CCNJL: variants seen among roughly 807,000 people sequenced by gnomAD.
The protein encoded by CCNJL is cyclin J like.
In CCNJL, 33 loss-of-function variants were observed where a neutral mutation model predicts 33.4. That is an observed-to-expected ratio of 0.99 (90% confidence interval 0.75 to 1.32). The LOEUF (loss-of-function observed/expected upper bound fraction) is 1.32. CCNJL is among the 40% of genes most tolerant of loss of function. The pLI, the probability that CCNJL is intolerant of heterozygous loss-of-function variation, is 0.00. For missense variants in CCNJL, 512 were observed against 499.7 expected (o/e 1.02, Z -0.23); for synonymous variants, 227 against 220.9 (o/e 1.03, Z -0.24).
intron 4 of CCNJL, among the ~76,000 whole-genome samples, chr5:160,258,003 C>A (rs932911393): frequency 5.3e-5 from 8 of 151,998 alleles, no homozygotes; most frequent in Non-Finnish European, 1.0e-4. Context: ...CCCACCACCA[C>A]ACCTGGCTAA....
At position 160,280,478 on chromosome 5, in the gene CCNJL, G is replaced by A. The variant is rs775221000; in HGVS notation, c.280+47C>T. 169 of 1,463,548 alleles carry A rather than the reference G, an allele frequency of 1.2e-4. No homozygotes were observed. The East Asian group carries it at 2.0e-3, about 17-fold the overall frequency. The allele number at this position is 1,463,548 out of a possible 1,614,324, so 90.7% of individuals were successfully genotyped here. A position where few individuals can be genotyped will look rare whatever the true frequency, so the allele number is the denominator to read the frequency against. ...TTGGAAGCAGCCAGGCGCACTGAGC[G>A]GGAGGAGACCGCACAAGCGCGGAGG... is the stretch of plus-strand genomic sequence containing the variant. On this transcript the variant is annotated intron_variant, in intron 3 of 5. Transcript: ENST00000257536.
chr5:160,253,653 G>A lies in CCNJL; in HGVS notation c.889C>T (p.Gln297Ter). 4 of 1,610,590 alleles carry A rather than the reference G, an allele frequency of 2.5e-6. No individual in the cohort carries two copies. Among genetic ancestry groups the A allele is most frequent in the Non-Finnish European group, 3.4e-6 (4 of 1,177,642 alleles). The stretch of plus-strand genomic sequence containing the variant: ...AGGTCCTGCACGGGGGTCTGGAACT[G>A]TGCCAGGGTGGTCGCTGGCTGGCCG... ...ALGQPATTLA[Q>*]FQTPVQDLCL... The change falls in exon 6 of 6, where the codon CAG (glutamine) becomes TAG (stop). Residue 297 changes from glutamine (Q) to a stop codon, truncating the protein, a stop_gained. Transcript: ENST00000257536. LOFTEE classifies it high-confidence loss of function.
At chr5:160,305,891 A>G (rs1763081057) in intron 2 of CCNJL, among the ~76,000 whole-genome samples, 1 of 152,220 alleles carries the variant, frequency 6.6e-6, no homozygotes, top group African/African-American at 2.4e-5. Context: ...TAACATTATC[A>G]ACACTAAACG....
chr5:160,290,098 G>T (rs1363915888), intron 2 of CCNJL, among the ~76,000 whole-genome samples: 1 of 152,138 alleles, frequency 6.6e-6, no homozygotes, highest in African/African-American at 2.4e-5. Flanking sequence ...TGAAAGTTCC[G>T]CCAGGCACCC....
At chr5:160,290,714 C>A (rs1762555100) in intron 2 of CCNJL, among the ~76,000 whole-genome samples, 1 of 152,064 alleles carries the variant, frequency 6.6e-6, no homozygotes. Flanking sequence ...ACAGACTGGG[C>A]TTGTCTTGTT....
chr5:160,297,398 T>TCTTC (rs10676028), intron 2 of CCNJL, among the ~76,000 whole-genome samples: 130,713 of 151,830 alleles, frequency 0.86, 56,653 homozygotes, highest in African/African-American at 0.95. Context: ...CTGCTTGGCT[T>TCTTC]CTTCCTAACT....
Position 160,251,247 on chromosome 5 carries a change from GT to G in CCNJL, c.*2130del, listed in dbSNP as rs1760793274. 6.6e-6 allele frequency: 1 copy of G among 152,224 alleles called. No individual in the cohort carries two copies. Among genetic ancestry groups the G allele is most frequent in the African/African-American group, 2.4e-5 (1 of 41,452 alleles). The allele number at this position is 152,224 out of a possible 1,614,324, so 9.4% of individuals were successfully genotyped here. On this transcript the variant is annotated 3_prime_UTR_variant, in exon 6 of 6. Coordinates refer to ENST00000257536, the MANE Select transcript of CCNJL (RefSeq NM_001308173.3). The stretch of plus-strand genomic sequence containing the variant: ...CTGCTAACACAGAAATCATGCCTGA[GT>G]TTCCAGCCTGTGGGCCTGCCCTACA...
intron 1 of CCNJL, among the ~76,000 whole-genome samples, chr5:160,329,357 T>TC (rs2113480361): frequency 6.6e-6 from 1 of 150,974 alleles, no homozygotes; most frequent in East Asian, 1.9e-4. Context: ...CTTCTTTTTT[T>TC]TTTTTTTTTT....
intron 1 of CCNJL, among the ~76,000 whole-genome samples, chr5:160,335,736 T>A (rs1457361147): frequency 7.4e-6 from 1 of 134,644 alleles, no homozygotes; most frequent in Non-Finnish European, 1.6e-5. Flanking sequence ...CATGTCTAAT[T>A]TTTTTTTTTG....
intron 3 of CCNJL, among the ~76,000 whole-genome samples, chr5:160,270,824 A>G (rs1761807175): frequency 6.6e-6 from 1 of 152,214 alleles, no homozygotes; most frequent in Non-Finnish European, 1.5e-5. Context: ...GCTGCTGGGA[A>G]TCTAGAAGCC....
At chr5:160,269,509 G>C in intron 3 of CCNJL, 1 of 456,506 alleles carries the variant, frequency 2.2e-6, no homozygotes, top group Non-Finnish European at 4.4e-6. Context: ...TGCGCTGAAC[G>C]TGTGGGCACT....
intron 4 of CCNJL, chr5:160,258,495 G>A (rs1761170468): frequency 7.2e-7 from 1 of 1,384,780 alleles, no homozygotes; most frequent in African/African-American, 1.4e-5. Flanking sequence ...AAGAGCAGTG[G>A]ACCAAATATG....
intron 2 of CCNJL, among the ~76,000 whole-genome samples, chr5:160,292,215 C>T (rs557064106): frequency 3.0e-4 from 46 of 152,186 alleles, no homozygotes; most frequent in Non-Finnish European, 5.6e-4. Flanking sequence ...CTTCTCATAC[C>T]TTCCCGCAAG....
At chr5:160,309,730 A>G (rs1763204693) in intron 2 of CCNJL, among the ~76,000 whole-genome samples, 2 of 152,218 alleles carry the variant, frequency 1.3e-5, no homozygotes, top group African/African-American at 4.8e-5. Flanking sequence ...GAAATAAAGT[A>G]AAGGAGAACA....
chr5:160,294,739 G>C (rs1211185825), intron 2 of CCNJL: 1 of 152,210 alleles, frequency 6.6e-6, no homozygotes, highest in Non-Finnish European at 1.5e-5. Flanking sequence ...TTCTGGAGTG[G>C]AGGACTGGGG....
chr5:160,277,761 T>C (rs1762066869), intron 3 of CCNJL, among the ~76,000 whole-genome samples: 2 of 151,570 alleles, frequency 1.3e-5, no homozygotes, highest in African/African-American at 4.9e-5. Context: ...TTTTTTTTTT[T>C]TGAGATGGAG....
chr5:160,294,370 T>G (rs1327102381), intron 2 of CCNJL, among the ~76,000 whole-genome samples: 7 of 152,216 alleles, frequency 4.6e-5, no homozygotes, highest in Non-Finnish European at 8.8e-5. Context: ...AAGTCCAGCC[T>G]GTAGCTTCCT....
chr5:160,257,276 C>A (rs1443122538), intron 4 of CCNJL, among the ~76,000 whole-genome samples: 1 of 151,274 alleles, frequency 6.6e-6, no homozygotes, highest in Non-Finnish European at 1.5e-5. Flanking sequence ...GAGATCGAGA[C>A]CATCCTGGCT....
At chr5:160,278,565 C>T (rs531283295) in intron 3 of CCNJL, among the ~76,000 whole-genome samples, 1 of 152,114 alleles carries the variant, frequency 6.6e-6, no homozygotes, top group Non-Finnish European at 1.5e-5. Flanking sequence ...TTCCTGCTGC[C>T]CGAGGCTGTG....
Sources: gnomAD v4.1 joint callset for allele counts (sites outside exome capture counted in the v4.1 genomes callset) on GRCh38, gnomAD v4.1.1 for gene constraint, MANE v1.5 for transcripts, NCBI Gene and HGNC (gene_info 2026-07-23, HGNC 2026-07-21) for gene names.